Variants in OGDH observed in about 807,000 individuals in gnomAD.
The protein encoded by OGDH is oxoglutarate dehydrogenase.
OGDH carries 38 observed loss-of-function variants against 116.6 expected under a neutral mutation model. The observed-to-expected ratio is 0.33, with a 90% CI of 0.25 to 0.43. The LOEUF (loss-of-function observed/expected upper bound fraction) is 0.43. Ranked by LOEUF, OGDH falls within the 20% of genes least tolerant of loss-of-function variation. The pLI is 1.00. For missense variants in OGDH, 825 were observed against 1,357.2 expected (o/e 0.61, Z 6.16); for synonymous variants, 488 against 533.3 (o/e 0.92, Z 1.17).
intron 2 of OGDH, among the ~76,000 whole-genome samples, chr7:44,638,460 G>C (rs762066232): frequency 1.3e-5 from 2 of 152,174 alleles, no homozygotes; most frequent in East Asian, 3.8e-4. Context: ...ATTAGATTGT[G>C]TATTCTCAAG....
intron 1 of OGDH, among the ~76,000 whole-genome samples, chr7:44,618,091 T>C (rs922190400): frequency 3.9e-5 from 6 of 152,242 alleles, no homozygotes; most frequent in Admixed American, 3.9e-4. Context: ...CCTTTGGTTT[T>C]TACTTTTTTT....
rs150057913 is a variant in OGDH at position 44,624,387 on chromosome 7, C to T, written c.44C>T (p.Thr15Met). The T allele has an allele frequency of 3.5e-5, 56 of 1,594,792 alleles. No homozygotes were observed. Among genetic ancestry groups the T allele is most frequent in the African/African-American group, 2.5e-4 (18 of 72,286 alleles). The change falls in exon 2 of 23, where the codon ACG (threonine) becomes ATG (methionine). Residue 15 changes from threonine to methionine, a missense_variant. Physicochemically the swap from Thr to Met is moderately conservative, Grantham distance 81. Transcript: ENST00000222673. ...TGTGCTGCTAAGTTGAGGCCATTGA[C>T]GGCTTCCCAGACTGTTAAGACATTT... Reference protein sequence around the residue: ...RTCAAKLRPLTASQTVKTFSQ... With the variant: ...RTCAAKLRPLMASQTVKTFSQ...
chr7:44,668,655 A>G (rs187703074), intron 5 of OGDH, among the ~76,000 whole-genome samples: 1 of 152,202 alleles, frequency 6.6e-6, no homozygotes, highest in Non-Finnish European at 1.5e-5. Flanking sequence ...ATAAGGATTA[A>G]TCCAAGAAGA....
At chr7:44,645,597 T>C (rs1786138253) in intron 3 of OGDH, 79 bp downstream of exon 3, 1 of 1,345,776 alleles carries the variant, frequency 7.4e-7, no homozygotes, top group South Asian at 1.4e-5. Flanking sequence ...TATTGGCCTT[T>C]CTGAGTGTAT....
At chr7:44,700,089 A>G in intron 18 of OGDH, 52 bp from the exon 19 acceptor site, 2 of 1,600,944 alleles carry the variant, frequency 1.2e-6, no homozygotes, top group South Asian at 2.2e-5. Flanking sequence ...CACATGCCCC[A>G]GAAGACTCAG....
intron 2 of OGDH, among the ~76,000 whole-genome samples, chr7:44,632,583 G>A (rs1045678264): frequency 4.6e-5 from 7 of 152,036 alleles, no homozygotes; most frequent in Non-Finnish European, 1.0e-4. Context: ...GATTACAGGC[G>A]TGAGCCACTG....
intron 4 of OGDH, among the ~76,000 whole-genome samples, chr7:44,663,336 T>C (rs549183876): frequency 4.9e-4 from 74 of 152,364 alleles, no homozygotes; most frequent in African/African-American, 1.7e-3. Flanking sequence ...GTGTTCTTAA[T>C]TGCTCATTGA....
At chr7:44,680,085 A>T (rs986496600) in intron 9 of OGDH, among the ~76,000 whole-genome samples, 1 of 152,082 alleles carries the variant, frequency 6.6e-6, no homozygotes, top group Non-Finnish European at 1.5e-5. Context: ...GGTGGCATGT[A>T]CTTGTATTCC....
At chr7:44,641,244 G>GTTTTTTTTTTTTTTTTTT (rs1785930728) in intron 2 of OGDH, among the ~76,000 whole-genome samples, 1 of 90,440 alleles carries the variant, frequency 1.1e-5, no homozygotes, top group Admixed American at 1.3e-4. Context: ...TTTTTTTTTG[G>GTTTTTTTTTTTTTTTTTT]AAACAGGGTG....
Position 44,697,831 on chromosome 7 carries a change from GTGT to G in OGDH, c.2358+50_2358+52del. 6.4e-7 allele frequency: 1 copy of G among 1,572,576 alleles called. No individual in the cohort carries two copies. Among genetic ancestry groups the G allele is most frequent in the Non-Finnish European group, 8.6e-7 (1 of 1,160,702 alleles). ...CAGACCTAGGACTTGGGAAGGGCCT[GTGT>G]AGGACCCTGACCCCAAAGACTGGCA... On this transcript the variant is annotated intron_variant, in intron 17 of 22. Coordinates refer to ENST00000222673, the MANE Select transcript of OGDH (RefSeq NM_002541.4). The surrounding 1 kb of genome is among the most constrained non-coding windows in gnomAD (Gnocchi z 6.0).
chr7:44,670,814 T>C (rs531830316), intron 5 of OGDH, among the ~76,000 whole-genome samples: 4 of 151,990 alleles, frequency 2.6e-5, no homozygotes, highest in East Asian at 1.9e-4. Context: ...ATCGAGACCA[T>C]CCTAGCTAAC....
chr7:44,685,320 TC>T (rs544963262), intron 10 of OGDH, among the ~76,000 whole-genome samples: 203 of 152,302 alleles, frequency 1.3e-3, no homozygotes, highest in African/African-American at 4.2e-3. Context: ...ACTTTCTGTC[TC>T]TATGATTTTG....
At chr7:44,659,201 G>A (rs988974505) in intron 4 of OGDH, among the ~76,000 whole-genome samples, 8 of 151,972 alleles carry the variant, frequency 5.3e-5, no homozygotes, top group African/African-American at 1.7e-4. Context: ...TAATGCTAAT[G>A]TCGTGGATTG....
At chr7:44,664,674 T>C (rs1787099826) in intron 4 of OGDH, among the ~76,000 whole-genome samples, 1 of 152,188 alleles carries the variant, frequency 6.6e-6, no homozygotes, top group African/African-American at 2.4e-5. Flanking sequence ...CTTTCAGAGT[T>C]GTCTTATGAT....
At chr7:44,699,521 G>A (rs758614022) in intron 18 of OGDH, among the ~76,000 whole-genome samples, 1 of 151,934 alleles carries the variant, frequency 6.6e-6, no homozygotes, top group African/African-American at 2.4e-5. Flanking sequence ...CTCTTAAAGT[G>A]GTATTTGTTT....
chr7:44,699,209 C>T (rs117919130), intron 18 of OGDH, among the ~76,000 whole-genome samples: 1 of 151,028 alleles, frequency 6.6e-6, no homozygotes, highest in Non-Finnish European at 1.5e-5. Flanking sequence ...AGGTGGATCA[C>T]GAGGCCAGGA....
At chr7:44,616,634 T>C (rs1213772477) in intron 1 of OGDH, among the ~76,000 whole-genome samples, 3 of 148,554 alleles carry the variant, frequency 2.0e-5, no homozygotes, top group African/African-American at 7.4e-5. Context: ...TATATACACA[T>C]GTTTATGTAT....
intron 20 of OGDH, among the ~76,000 whole-genome samples, chr7:44,704,742 A>G (rs148893703): frequency 1.7e-4 from 25 of 151,230 alleles, no homozygotes; most frequent in African/African-American, 5.1e-4. Flanking sequence ...ATGGAGTCTT[A>G]CTCTGTTACC....
chr7:44,675,293 T>G, intron 8 of OGDH, 25 bp downstream of exon 8: 1 of 1,590,200 alleles, frequency 6.3e-7, no homozygotes, highest in Non-Finnish European at 8.6e-7. Flanking sequence ...TAGAGACACA[T>G]CCAGCATAGC....
Sources: gnomAD v4.1 joint callset for allele counts (sites outside exome capture counted in the v4.1 genomes callset) on GRCh38, gnomAD v4.1.1 for gene constraint, Gnocchi (gnomAD v3.1) non-coding constraint, MANE v1.5 for transcripts, NCBI Gene and HGNC (gene_info 2026-07-23, HGNC 2026-07-21) for gene names.